The following MRTFA variants were observed in gnomAD, a reference collection of about 807,000 sequenced individuals.
MRTFA encodes myocardin-related transcription factor A.
In MRTFA, 20 loss-of-function variants were observed where a neutral mutation model predicts 83.5. The observed-to-expected ratio is 0.24, with a 90% CI of 0.17 to 0.35. The LOEUF is 0.35. Among genes scored for constraint, MRTFA ranks in the 10% least tolerant of loss-of-function variants. MRTFA has a pLI of 1.00. For missense variants in MRTFA, 1,200 were observed against 1,224.7 expected, an observed-to-expected ratio of 0.98 and a Z score of 0.30; for synonymous variants, 659 against 541.2, an observed-to-expected ratio of 1.22 and a Z score of -3.02.
At chr22:40,457,657 A>G (rs2053621127) in intron 4 of MRTFA, among the ~76,000 whole-genome samples, 1 of 152,184 alleles carries the variant, frequency 6.6e-6, no homozygotes. Flanking sequence ...AAGAAGACAG[A>G]GCAAGGTCTT....
chr22:40,425,355 GAGGCAGTGGTGA>G (rs2052932175), intron 7 of MRTFA, among the ~76,000 whole-genome samples: 1 of 152,272 alleles, frequency 6.6e-6, no homozygotes, highest in Non-Finnish European at 1.5e-5. Context: ...AGAAGGAACT[GAGGCAGTGGTGA>G]AGGCAGGGGT....
chr22:40,521,586 C>T (rs747802942), intron 3 of MRTFA, among the ~76,000 whole-genome samples: 9 of 152,094 alleles, frequency 5.9e-5, no homozygotes, highest in Non-Finnish European at 1.3e-4. Context: ...GCAACCTCTG[C>T]CTCCTGGGTT....
At position 40,424,385 on chromosome 22, in the gene MRTFA, A is replaced by C. The variant is rs1406082544; in HGVS notation, c.602-4T>G. 1.2e-6 allele frequency: 2 copies of C among 1,612,578 alleles called. No homozygotes were observed. Among genetic ancestry groups the C allele is most frequent in the Non-Finnish European group, 1.7e-6 (2 of 1,179,406 alleles). On this transcript the variant is annotated splice_polypyrimidine_tract_variant and splice_region_variant and intron_variant, in intron 7 of 14. Coordinates refer to ENST00000355630, the MANE Select transcript of MRTFA (RefSeq NM_020831.6). ...TTGGGATAGTTCACCTGGCCCACTG[A>C]AACCCAAAGCTGGTGTGAGATTCCA...
At chr22:40,545,993 C>G (rs1241128313) in intron 3 of MRTFA, among the ~76,000 whole-genome samples, 2 of 152,254 alleles carry the variant, frequency 1.3e-5, no homozygotes, top group Non-Finnish European at 2.9e-5. Flanking sequence ...TCCCAAAGTG[C>G]TGGGATTACA....
chr22:40,611,089 C>T (rs1452696526), intron 1 of MRTFA, among the ~76,000 whole-genome samples: 2 of 151,930 alleles, frequency 1.3e-5, no homozygotes, highest in African/African-American at 4.8e-5. Flanking sequence ...ACGCGTGTGC[C>T]ACCACGCCCG....
intron 3 of MRTFA, among the ~76,000 whole-genome samples, chr22:40,498,446 G>A (rs966865942): frequency 6.7e-6 from 1 of 150,038 alleles, no homozygotes; most frequent in African/African-American, 2.4e-5. Flanking sequence ...ACCATGCCCA[G>A]CTGATTTTTG....
chr22:40,626,204 C>A (rs1011684207), intron 1 of MRTFA, among the ~76,000 whole-genome samples: 1 of 152,030 alleles, frequency 6.6e-6, no homozygotes, highest in Non-Finnish European at 1.5e-5. Context: ...AGACTGGTCT[C>A]GAACTGCTGA....
intron 3 of MRTFA, among the ~76,000 whole-genome samples, chr22:40,500,455 G>C (rs937832842): frequency 2.0e-4 from 30 of 146,400 alleles, no homozygotes; most frequent in African/African-American, 7.3e-4. Context: ...GGATTTGGCA[G>C]GGTCATGGGA....
intron 3 of MRTFA, among the ~76,000 whole-genome samples, chr22:40,485,050 A>AAC: frequency 6.6e-6 from 1 of 151,630 alleles, no homozygotes. Context: ...CCAGCCTGGC[A>AAC]ACATAGTGAG....
At chr22:40,473,316 C>A (rs1291782948) in intron 3 of MRTFA, among the ~76,000 whole-genome samples, 1 of 152,086 alleles carries the variant, frequency 6.6e-6, no homozygotes, top group East Asian at 1.9e-4. Flanking sequence ...TGTACCACCA[C>A]ACCCAGCTAA....
chr22:40,486,873 T>C (rs1030165907), intron 3 of MRTFA, among the ~76,000 whole-genome samples: 3 of 152,188 alleles, frequency 2.0e-5, no homozygotes, highest in African/African-American at 7.2e-5. Flanking sequence ...CTTGGGGGAC[T>C]AAGGCGGGAG....
chr22:40,412,692 A>G (rs1259668276), intron 14 of MRTFA: 2 of 152,236 alleles, frequency 1.3e-5, no homozygotes, highest in African/African-American at 2.4e-5. Flanking sequence ...GGCAGTTGCT[A>G]CAGGCTGGCG....
At chr22:40,489,725 T>C (rs1401883660) in intron 3 of MRTFA, among the ~76,000 whole-genome samples, 1 of 152,112 alleles carries the variant, frequency 6.6e-6, no homozygotes, top group East Asian at 1.9e-4. Flanking sequence ...ACTCCTATAA[T>C]CCCAGCACTC....
At chr22:40,460,602 C>CATACTTTGTAG (rs2053693695) in intron 4 of MRTFA, among the ~76,000 whole-genome samples, 1 of 152,182 alleles carries the variant, frequency 6.6e-6, no homozygotes, top group African/African-American at 2.4e-5. Context: ...ACAAAGTAGA[C>CATACTTTGTAG]ACTAAGTATA....
intron 1 of MRTFA, among the ~76,000 whole-genome samples, chr22:40,624,261 T>C (rs1361230331): frequency 6.6e-6 from 1 of 151,586 alleles, no homozygotes; most frequent in Non-Finnish European, 1.5e-5. Context: ...CCGTCTCTAC[T>C]AAAAATTTTT....
intron 3 of MRTFA, among the ~76,000 whole-genome samples, chr22:40,486,001 G>A (rs2054169222): frequency 6.6e-6 from 1 of 152,120 alleles, no homozygotes; most frequent in Non-Finnish European, 1.5e-5. Flanking sequence ...TCGAAGGTCG[G>A]TGCAGGAATG....
intron 1 of MRTFA, among the ~76,000 whole-genome samples, chr22:40,617,990 A>G (rs980483006): frequency 6.6e-6 from 1 of 152,132 alleles, no homozygotes; most frequent in Non-Finnish European, 1.5e-5. Flanking sequence ...AAACAGATGA[A>G]TGTCAAGTGG....
At chr22:40,431,235 G>A (rs1306904968) in intron 6 of MRTFA, among the ~76,000 whole-genome samples, 170 bp downstream of exon 6, 1 of 152,166 alleles carries the variant, frequency 6.6e-6, no homozygotes, top group Non-Finnish European at 1.5e-5. Context: ...GAGTCCCTCA[G>A]ACCAGTGGCA....
chr22:40,488,117 T>G (rs1453899736), intron 3 of MRTFA, among the ~76,000 whole-genome samples: 1 of 152,206 alleles, frequency 6.6e-6, no homozygotes, highest in Non-Finnish European at 1.5e-5. Flanking sequence ...TTTAAGAGTT[T>G]GCAGATAATA....
Sources: gnomAD v4.1 joint callset for allele counts (sites outside exome capture counted in the v4.1 genomes callset) on GRCh38, gnomAD v4.1.1 for gene constraint, MANE v1.5 for transcripts, NCBI Gene and HGNC (gene_info 2026-07-23, HGNC 2026-07-21) for gene names.